The following SCRIB variants were observed in gnomAD, a reference collection of about 807,000 sequenced individuals.
The protein encoded by SCRIB is scribble planar cell polarity protein.
SCRIB carries 72 observed loss-of-function variants against 170.0 expected under a neutral mutation model. The observed-to-expected ratio is 0.42, with a 90% CI of 0.35 to 0.52. SCRIB has a LOEUF of 0.52. Among genes scored for constraint, SCRIB ranks in the 20% least tolerant of loss-of-function variants. The pLI is 0.02. For missense variants in SCRIB, 2,475 were observed against 2,338.5 expected (o/e 1.06, Z -1.20); for synonymous variants, 1,298 against 1,044.3 (o/e 1.24, Z -4.68).
Position 143,808,719 on chromosome 8 carries a change from G to A in SCRIB, c.2005C>T (p.Pro669Ser), listed in dbSNP as rs763955090. ...TCCTCCTCTTCCTCCTCCTCCTGAG[G>A]ACTACCCTCTTCCTCCTCCTCCTCC... ...KEEEEEEEGSPQEEEEEEEEE... is the reference protein window; with the variant it reads ...KEEEEEEEGSSQEEEEEEEEE... Residue 669 changes from proline to serine, a missense_variant, in exon 15 of 37, where the codon CCT (proline) becomes TCT (serine). This residue lies in a region of SCRIB where 1,966 missense variants were observed against 1,742.9 expected (regional missense o/e 1.13). Transcript: ENST00000356994. The A allele has an allele frequency of 3.1e-6, 5 of 1,590,606 alleles. No homozygotes were observed. The highest frequency in any genetic ancestry group is 2.6e-6 in the Non-Finnish European group (3 of 1,168,530).
At chr8:143,793,414 G>A (rs1814800165) in intron 28 of SCRIB, 1 of 284,444 alleles carries the variant, frequency 3.5e-6, no homozygotes, top group African/African-American at 2.2e-5. Flanking sequence ...GACGGGGGTA[G>A]AGAGGGGGGT....
chr8:143,807,479 G>C, intron 16 of SCRIB, 73 bp downstream of exon 16: 1 of 1,193,532 alleles, frequency 8.4e-7, no homozygotes, highest in African/African-American at 1.5e-5. Context: ...GGGGCGGGGA[G>C]AGGCGTGAGC....
chr8:143,794,109 C>T (rs1554633610), intron 27 of SCRIB, 147 bp from the exon 28 acceptor site: 1 of 715,672 alleles, frequency 1.4e-6, no homozygotes, highest in African/African-American at 1.8e-5. Context: ...GCCCCAGACA[C>T]TCGGTCAGCA....
In SCRIB at chr8:143,813,099, G is replaced by A. The variant is rs371360351; in HGVS notation, c.573C>T (p.Asp191=). Residue 191 remains aspartate (D), a synonymous_variant, in exon 7 of 37, where the codon GAC becomes GAT. Coordinates refer to ENST00000356994, the MANE Select transcript of SCRIB (RefSeq NM_182706.5). ...GAAGATTGGGCAGAGCCCCCAGAGT[G>A]TCTGGCTGCAAGAAGGAACAGAGAA... ...LGGNDLEVLP[D]TLGALPNLRE... is the part of the protein sequence containing the mutation. 12 of 1,576,556 alleles carry A rather than the reference G, an allele frequency of 7.6e-6. 1 individual carries two copies. Among genetic ancestry groups the A allele is most frequent in the South Asian group, 2.3e-5 (2 of 87,982 alleles).
chr8:143,813,992 G>C lies in SCRIB; in HGVS notation c.277+9C>G, dbSNP rs751625292. 4 of 1,570,274 alleles carry C rather than the reference G, an allele frequency of 2.5e-6. No homozygotes were observed. In the African/African-American group the frequency reaches 5.4e-5, roughly 21 times the overall value. ...CAGACCCCACCCAGCCCCTGCCCAG[G>C]CTCCCCACCGTTCCGGGACACGTCC... On this transcript the variant is annotated intron_variant, in intron 2 of 36. Coordinates refer to ENST00000356994, the MANE Select transcript of SCRIB (RefSeq NM_182706.5).
At chr8:143,813,581 G>A (rs1815862237) in intron 4 of SCRIB, 55 bp from the exon 5 acceptor site, 6 of 1,611,962 alleles carry the variant, frequency 3.7e-6, no homozygotes, top group Non-Finnish European at 3.4e-6. Flanking sequence ...GGCAGCAGGG[G>A]CAGGGCCAAT....
rs372586260 is a variant in SCRIB at position 143,812,282 on chromosome 8, G to C, written c.890C>G (p.Thr297Arg). ...DCENLSELIL[T>R]ENLLMALPRS... ...AGACCCTACCATCAGCAGGTTCTCC[G>C]TGAGGATCAGCTCAGAGAGGTTCTC... The change falls in exon 9 of 37, where the codon ACG (threonine) becomes AGG (arginine). Residue 297 changes from threonine (T) to arginine (R), a missense_variant. Physicochemically the swap from Thr to Arg is moderately conservative, Grantham distance 71. This residue lies in a region of SCRIB where 487 missense variants were observed against 558.1 expected (regional missense o/e 0.87). Coordinates refer to ENST00000356994, the MANE Select transcript of SCRIB (RefSeq NM_182706.5). 1.3e-4 allele frequency: 207 copies of C among 1,609,678 alleles called. 2 individuals carry two copies. The South Asian group carries it at 2.2e-3, about 17-fold the overall frequency.
At position 143,810,889 on chromosome 8, in the gene SCRIB, G is replaced by A. The variant is rs370087441; in HGVS notation, c.1273+17C>T. The stretch of plus-strand genomic sequence containing the variant: ...TGAGAGCCACCCCGCGCTAAGCACC[G>A]GTTGCCAACAACCTACCGAGGCTGG... On this transcript the variant is annotated intron_variant, in intron 11 of 36. Transcript: ENST00000356994. 2.0e-5 allele frequency: 32 copies of A among 1,610,404 alleles called. No homozygotes were observed. Among genetic ancestry groups the A allele is most frequent in the South Asian group, 9.9e-5 (9 of 91,066 alleles).
rs1157523555 is a variant in SCRIB, at chr8:143,804,924, C to T, written c.2751+10G>A. On this transcript the variant is annotated intron_variant, in intron 20 of 36. Coordinates refer to ENST00000356994, the MANE Select transcript of SCRIB (RefSeq NM_182706.5). ...ATGGGTGGGTGGGGCGGGGCCCCAT[C>T]CCCACTCACAGAGAGGACGCGGTCG... 1.9e-6 allele frequency: 3 copies of T among 1,544,196 alleles called. No individual in the cohort carries two copies. Among genetic ancestry groups the T allele is most frequent in the Non-Finnish European group, 2.6e-6 (3 of 1,151,106 alleles).
At chr8:143,793,156 G>A in intron 28 of SCRIB, 73 bp from the exon 29 acceptor site, 1 of 839,548 alleles carries the variant, frequency 1.2e-6, no homozygotes, top group Non-Finnish European at 1.7e-6. Context: ...CTCACCACCG[G>A]CTGTCCCCCC....
At chr8:143,802,408 G>T (rs1815212335) in intron 24 of SCRIB, among the ~76,000 whole-genome samples, 1 of 152,262 alleles carries the variant, frequency 6.6e-6, no homozygotes, top group Non-Finnish European at 1.5e-5. Flanking sequence ...CATCCCAGAG[G>T]CTGTTACAGA....
intron 1 of SCRIB, among the ~76,000 whole-genome samples, chr8:143,814,385 A>G (rs1223565774): frequency 6.6e-6 from 1 of 150,764 alleles, no homozygotes; most frequent in Non-Finnish European, 1.5e-5. Context: ...ACAAAGCCCC[A>G]ATCCCCTACC....
chr8:143,810,642 A>G, intron 12 of SCRIB, 38 bp from the exon 13 acceptor site: 1 of 1,605,672 alleles, frequency 6.2e-7, no homozygotes, highest in Non-Finnish European at 8.5e-7. Flanking sequence ...GCCACAGGGC[A>G]GGGGTCAGGC....
chr8:143,803,698 G>A lies in SCRIB; in HGVS notation c.3363C>T (p.Gly1121=). 6.3e-7 allele frequency: 1 copy of A among 1,584,270 alleles called. No individual in the cohort carries two copies. ...LGISIRGGAR[G]HAGNPRDPTD... Reference sequence around the variant, plus strand: ...TGGGGTCGCGGGGGTTGCCAGCGTGGCCCCTGGCACCCCCGCGGATGCTGA... The same window carrying A: ...TGGGGTCGCGGGGGTTGCCAGCGTGACCCCTGGCACCCCCGCGGATGCTGA... The change falls in exon 23 of 37, where the codon GGC becomes GGT. Residue 1121 remains glycine (G), a synonymous_variant. Transcript: ENST00000356994.
Position 143,811,328 on chromosome 8 carries a change from C to T in SCRIB, c.924G>A (p.Leu308=), listed in dbSNP as rs767732253. The T allele has an allele frequency of 8.7e-6, 14 of 1,612,586 alleles. No individual in the cohort carries two copies. The highest frequency in any genetic ancestry group is 1.1e-5 in the Non-Finnish European group (13 of 1,179,832). Residue 308 remains leucine (L), a synonymous_variant, in exon 10 of 37, where the codon CTG becomes CTA. Coordinates refer to ENST00000356994, the MANE Select transcript of SCRIB (RefSeq NM_182706.5). The stretch of plus-strand genomic sequence containing the variant: ...GGTTGGTCAGCTTAGTCAGCTTTCC[C>T]AGGGAGCGGGGCAGGGCCTGGCCAA... The part of the protein sequence containing the change: ...ENLLMALPRS[L]GKLTKLTNLN...
chr8:143,805,401 T>G lies in SCRIB; in HGVS notation c.2381A>C (p.His794Pro). ...NGVALQGAEH[H>P]EAVEALRGAG... ...CCCCCGGAGCGCCTCCACGGCCTCG[T>G]GGTGCTCGGCGCCCTGCAGAGCCAC... Residue 794 changes from histidine (H) to proline (P), a missense_variant, in exon 19 of 37, where the codon CAC (histidine) becomes CCC (proline). His to Pro is a moderately conservative substitution (Grantham distance 77, BLOSUM62 -2). Coordinates refer to ENST00000356994, the MANE Select transcript of SCRIB (RefSeq NM_182706.5). 6.5e-7 allele frequency: 1 copy of G among 1,537,012 alleles called. No individual in the cohort carries two copies. The highest frequency in any genetic ancestry group is 8.7e-7 in the Non-Finnish European group (1 of 1,146,530).
chr8:143,809,433 A>T, intron 14 of SCRIB, 118 bp downstream of exon 14: 1 of 1,175,882 alleles, frequency 8.5e-7, no homozygotes, highest in Non-Finnish European at 1.2e-6. Flanking sequence ...AGCTCCCCGA[A>T]GCATCAGCAG....
rs762292811 is a variant in SCRIB, at chr8:143,810,688, G to A, written c.1402C>T (p.Arg468Trp). Residue 468 changes from arginine to tryptophan, a missense_variant and splice_region_variant, in exon 12 of 37, where the codon CGG becomes TGG. Coordinates refer to ENST00000356994, the MANE Select transcript of SCRIB (RefSeq NM_182706.5). ...CCCCCAGATCCTCACCCTCATACCC[G>A]CTTCTCAGCTGCAGCTTCCTCAGCG... The part of the protein sequence containing the change: ...EDAEEAAAEK[R>W]GLQRRATPHP... The A allele has an allele frequency of 2.5e-6, 4 of 1,602,450 alleles. No homozygotes were observed. Among genetic ancestry groups the A allele is most frequent in the East Asian group, 2.2e-5 (1 of 44,634 alleles).
In SCRIB at chr8:143,813,414, T is replaced by C. The variant is rs758385360; in HGVS notation, c.504-40A>G. The C allele has an allele frequency of 9.3e-6, 15 of 1,611,408 alleles. No homozygotes were observed. In the African/African-American group the frequency reaches 1.2e-4, roughly 13 times the overall value. On this transcript the variant is annotated intron_variant, in intron 5 of 36. Coordinates refer to ENST00000356994, the MANE Select transcript of SCRIB (RefSeq NM_182706.5). Reference sequence around the variant, plus strand: ...GGGTGGAGGTGTGGCCACGCAGCCCTGGTCCCTGGGCTGTGGCCCTGCCCT... The same window carrying C: ...GGGTGGAGGTGTGGCCACGCAGCCCCGGTCCCTGGGCTGTGGCCCTGCCCT...
Sources: gnomAD v4.1 joint callset for allele counts (sites outside exome capture counted in the v4.1 genomes callset) on GRCh38, gnomAD v4.1.1 for gene constraint, gnomAD v4.1.1 regional missense constraint, MANE v1.5 for transcripts, NCBI Gene and HGNC (gene_info 2026-07-23, HGNC 2026-07-21) for gene names.